Variants in KANK1 observed in about 807,000 individuals in gnomAD.
KANK1 encodes the protein KN motif and ankyrin repeat domain-containing protein 1.
Under a neutral mutation model 106.2 loss-of-function variants are expected in KANK1, and 109 were observed. The ratio of observed to expected loss-of-function variants is 1.03; its 90% CI spans 0.88 to 1.20. The LOEUF (loss-of-function observed/expected upper bound fraction) is 1.20, where lower values mean the gene tolerates loss of function less well. KANK1 is among the 50% of genes most tolerant of loss of function. KANK1 has a pLI of 0.00. For missense variants in KANK1, 2,399 were observed against 1,710.7 expected (o/e 1.40, Z -7.10); for synonymous variants, 873 against 652.2 (o/e 1.34, Z -5.16).
intron 1 of KANK1, among the ~76,000 whole-genome samples, chr9:652,170 G>T (rs2361102): frequency 0.18 from 27,626 of 152,024 alleles, 2,764 homozygotes; most frequent in East Asian, 0.32. Context: ...GCAAATATGT[G>T]TTTGGAATTA....
At chr9:695,410 G>C (rs1375440320) in intron 2 of KANK1, among the ~76,000 whole-genome samples, 1 of 152,110 alleles carries the variant, frequency 6.6e-6, no homozygotes, top group Non-Finnish European at 1.5e-5. Flanking sequence ...TCCTGTGCTG[G>C]ACTGGGACTC....
chr9:505,599 G>A (rs1475688851), intron 1 of KANK1, among the ~76,000 whole-genome samples: 1 of 152,358 alleles, frequency 6.6e-6, no homozygotes, highest in East Asian at 1.9e-4. Context: ...AACTGTTCTT[G>A]GTGGCTCTTG....
chr9:662,083 G>C (rs9777103), intron 1 of KANK1, among the ~76,000 whole-genome samples: 127,483 of 152,042 alleles, frequency 0.84, 53,581 homozygotes, highest in East Asian at 0.97. Flanking sequence ...ACAATTGCTT[G>C]AAAGAGAATA....
intron 1 of KANK1, among the ~76,000 whole-genome samples, chr9:557,379 C>G (rs1327246523): frequency 6.6e-6 from 1 of 151,962 alleles, no homozygotes; most frequent in Non-Finnish European, 1.5e-5. Flanking sequence ...GCATTGTATT[C>G]AATATAGTAT....
At chr9:554,071 A>C (rs1231035876) in intron 1 of KANK1, among the ~76,000 whole-genome samples, 1 of 152,212 alleles carries the variant, frequency 6.6e-6, no homozygotes, top group Non-Finnish European at 1.5e-5. Flanking sequence ...CCAAAGAGAC[A>C]GCATAGGTAT....
chr9:636,520 C>A (rs143634858), intron 1 of KANK1, among the ~76,000 whole-genome samples: 1 of 152,256 alleles, frequency 6.6e-6, no homozygotes, highest in East Asian at 1.9e-4. Context: ...TCAACAGAGT[C>A]CGAAACGTTG....
At chr9:652,501 C>T (rs575397525) in intron 1 of KANK1, among the ~76,000 whole-genome samples, 109 of 152,088 alleles carry the variant, frequency 7.2e-4, no homozygotes, top group Middle Eastern at 3.4e-3. Context: ...CCAGCCTGGG[C>T]GACAAGAGCG....
At chr9:485,550 A>G (rs2058277009) in intron 3 of KANK1, among the ~76,000 whole-genome samples, 1 of 152,182 alleles carries the variant, frequency 6.6e-6, no homozygotes, top group Admixed American at 6.5e-5. Flanking sequence ...GGATCTACAT[A>G]GAACCTGAGA....
chr9:532,237 CTTTTTTTTTTTT>C (rs34351693), intron 1 of KANK1, among the ~76,000 whole-genome samples: 4 of 107,768 alleles, frequency 3.7e-5, no homozygotes, highest in Non-Finnish European at 7.6e-5. Context: ...GAGCATTTGT[CTTTTTTTTTTTT>C]TTTTTTTTTG....
chr9:637,056 C>T, intron 1 of KANK1, among the ~76,000 whole-genome samples: 1 of 151,952 alleles, frequency 6.6e-6, no homozygotes, highest in Middle Eastern at 3.2e-3. Context: ...GTTATGTGCC[C>T]CTTCTCTCCA....
At chr9:717,450 T>C (rs1156504477) in intron 3 of KANK1, among the ~76,000 whole-genome samples, 1 of 152,216 alleles carries the variant, frequency 6.6e-6, no homozygotes, top group Non-Finnish European at 1.5e-5. Flanking sequence ...TGTAATAAAA[T>C]TTGAATCATA....
intron 1 of KANK1, among the ~76,000 whole-genome samples, chr9:567,468 C>T (rs1818084396): frequency 6.6e-6 from 1 of 152,212 alleles, no homozygotes; most frequent in Non-Finnish European, 1.5e-5. Flanking sequence ...CCGAAGTTAG[C>T]TTTGCCCATG....
chr9:738,054 A>G (rs192731222), intron 7 of KANK1, among the ~76,000 whole-genome samples: 2 of 152,204 alleles, frequency 1.3e-5, no homozygotes, highest in South Asian at 2.1e-4. Context: ...CTGCTTCTGC[A>G]TGGTGCTGTC....
chr9:734,212 C>T (rs1833119960), intron 6 of KANK1: 1 of 152,164 alleles, frequency 6.6e-6, no homozygotes, highest in South Asian at 2.1e-4. Context: ...GAATGTCACC[C>T]TCCCAAACAA....
intron 1 of KANK1, among the ~76,000 whole-genome samples, chr9:573,589 C>T (rs1055890374): frequency 6.6e-6 from 1 of 151,906 alleles, no homozygotes; most frequent in African/African-American, 2.4e-5. Flanking sequence ...TTTTTTAAAG[C>T]CAGAAGTAAT....
chr9:494,980 A>G (rs575062436), intron 3 of KANK1, among the ~76,000 whole-genome samples: 1 of 152,256 alleles, frequency 6.6e-6, no homozygotes, highest in Non-Finnish European at 1.5e-5. Context: ...CATTTGTTAA[A>G]TAAGTGAGCA....
intron 2 of KANK1, among the ~76,000 whole-genome samples, chr9:708,839 G>A (rs530672828): frequency 4.6e-5 from 7 of 152,244 alleles, no homozygotes; most frequent in African/African-American, 1.7e-4. Context: ...CTAAAAATGC[G>A]CAGCTTATTA....
At chr9:637,890 G>C (rs1837520008) in intron 1 of KANK1, among the ~76,000 whole-genome samples, 1 of 152,136 alleles carries the variant, frequency 6.6e-6, no homozygotes, top group Non-Finnish European at 1.5e-5. Context: ...AGCAGCTTTT[G>C]GGGTTGGTTG....
intron 1 of KANK1, among the ~76,000 whole-genome samples, chr9:517,202 C>G (rs1041770862): frequency 5.9e-5 from 9 of 151,782 alleles, no homozygotes; most frequent in Non-Finnish European, 2.9e-5. Flanking sequence ...TCCGACGGTT[C>G]AAGCAGTTCT....
Sources: gnomAD v4.1 joint callset for allele counts (sites outside exome capture counted in the v4.1 genomes callset) on GRCh38, gnomAD v4.1.1 for gene constraint, MANE v1.5 for transcripts, NCBI Gene and HGNC (gene_info 2026-07-23, HGNC 2026-07-21) for gene names.